Variants in PDE9A observed in about 807,000 individuals in gnomAD.
PDE9A encodes high affinity cGMP-specific 3',5'-cyclic phosphodiesterase 9A.
Under a neutral mutation model 87.4 loss-of-function variants are expected in PDE9A, and 60 were observed. The ratio of observed to expected loss-of-function variants is 0.69; its 90% CI spans 0.56 to 0.85. The LOEUF is 0.85. Among genes scored for constraint, PDE9A ranks in the 40% least tolerant of loss-of-function variants. PDE9A has a pLI of 0.00. For missense variants in PDE9A, 665 were observed against 779.0 expected (o/e 0.85, Z 1.74); for synonymous variants, 272 against 279.4 (o/e 0.97, Z 0.27).
intron 6 of PDE9A, among the ~76,000 whole-genome samples, chr21:42,732,975 G>C (rs1241473650): frequency 6.6e-6 from 1 of 152,210 alleles, no homozygotes; most frequent in Non-Finnish European, 1.5e-5. Flanking sequence ...AGCCTCCAGA[G>C]AGCACAACAG....
At chr21:42,657,828 G>A (rs1028544583) in intron 1 of PDE9A, among the ~76,000 whole-genome samples, 6 of 152,222 alleles carry the variant, frequency 3.9e-5, no homozygotes, top group Admixed American at 1.3e-4. Context: ...CACTGTGCGC[G>A]GCCTCCCTGG....
intron 1 of PDE9A, among the ~76,000 whole-genome samples, chr21:42,656,745 C>T (rs1271398792): frequency 6.6e-6 from 1 of 152,168 alleles, no homozygotes; most frequent in Non-Finnish European, 1.5e-5. Flanking sequence ...GGAAGCTGGG[C>T]GTGTGAAGTG....
chr21:42,743,338 C>T (rs2146895718), intron 7 of PDE9A, among the ~76,000 whole-genome samples: 2 of 152,374 alleles, frequency 1.3e-5, no homozygotes. Context: ...GTAATCCTTG[C>T]TGAAAACGCT....
At chr21:42,712,017 G>A (rs937023514) in intron 4 of PDE9A, among the ~76,000 whole-genome samples, 3 of 151,870 alleles carry the variant, frequency 2.0e-5, no homozygotes, top group Non-Finnish European at 4.4e-5. Context: ...TGTTTTGACT[G>A]TATAGGTTCT....
intron 17 of PDE9A, among the ~76,000 whole-genome samples, 162 bp downstream of exon 17, chr21:42,769,317 A>T (rs561668364): frequency 5.3e-5 from 8 of 150,788 alleles, no homozygotes; most frequent in Admixed American, 2.6e-4. Context: ...GCACATACAC[A>T]TATACACACA....
Position 42,772,517 on chromosome 21 carries a change from G to T in PDE9A, c.1765G>T (p.Glu589Ter), listed in dbSNP as rs762238389. Residue 589 changes from glutamate to a stop codon, truncating the protein, a stop_gained, in exon 19 of 20, where the codon GAA becomes TAA. Transcript: ENST00000291539. LOFTEE classifies it high-confidence loss of function. ...RERSRDVKNS[E>*]GDCA ...GAGAAGCAGAGATGTGAAAAACAGT[G>T]AAGGTAATGCTTGCTCTGCTGAAGT... 7 of 1,597,314 alleles carry T rather than the reference G, an allele frequency of 4.4e-6. No homozygotes were observed. The highest frequency in any genetic ancestry group is 2.2e-5 in the East Asian group (1 of 44,674).
In PDE9A at chr21:42,760,549, C is replaced by T. The variant is rs1463971662; in HGVS notation, c.1002+117C>T. 7.1e-5 allele frequency: 48 copies of T among 675,894 alleles called. No homozygotes were observed. Among genetic ancestry groups the T allele is most frequent in the Middle Eastern group, 2.7e-4 (1 of 3,736 alleles). The allele number at this position is 675,894 out of a possible 1,614,324, so 41.9% of individuals were successfully genotyped here. A position where few individuals can be genotyped will look rare whatever the true frequency, so the allele number is the denominator to read the frequency against. On this transcript the variant is annotated intron_variant, in intron 12 of 19. Transcript: ENST00000291539. This position sits in a 1 kb window ranked among gnomAD's most constrained non-coding sequence, Gnocchi z 5.2. ...GAGCCACAGGCGTGGGGTCCCCAGC[C>T]GCTCCGCCCCTCCTAGGGACGCACC...
At chr21:42,736,562 A>G (rs2052470451) in intron 7 of PDE9A, among the ~76,000 whole-genome samples, 1 of 152,198 alleles carries the variant, frequency 6.6e-6, no homozygotes, top group Non-Finnish European at 1.5e-5. Context: ...TGGCGCTTCT[A>G]TGGGTAAAAC....
chr21:42,771,668 G>A (rs1321221003), intron 18 of PDE9A, among the ~76,000 whole-genome samples: 2 of 152,238 alleles, frequency 1.3e-5, no homozygotes, highest in Non-Finnish European at 2.9e-5. Flanking sequence ...GGCCCACAAT[G>A]CCCTTTTGAG....
At chr21:42,711,610 G>T (rs1056144058) in intron 4 of PDE9A, among the ~76,000 whole-genome samples, 5 of 152,012 alleles carry the variant, frequency 3.3e-5, no homozygotes, top group African/African-American at 1.2e-4. Context: ...CAAGGTCATG[G>T]AGATACATTT....
rs751535152 is a variant in PDE9A, at chr21:42,760,867, G to T, written c.1045G>T (p.Ala349Ser). The change falls in exon 13 of 20, where the codon GCC becomes TCC. Residue 349 changes from alanine to serine, a missense_variant. Ala to Ser is a moderately conservative substitution (Grantham distance 99). Transcript: ENST00000291539. This position sits in a 1 kb window ranked among gnomAD's most constrained non-coding sequence, Gnocchi z 5.2. ...QTDILILMTA[A>S]ICHDLDHPGY... Reference sequence around the variant, plus strand: ...GGATATCCTGATCCTAATGACAGCGGCCATCTGCCACGATCTGGACCATCC... The same window carrying T: ...GGATATCCTGATCCTAATGACAGCGTCCATCTGCCACGATCTGGACCATCC... The T allele has an allele frequency of 6.2e-7, 1 of 1,612,300 alleles. No individual in the cohort carries two copies. The highest frequency in any genetic ancestry group is 1.7e-5 in the Admixed American group (1 of 60,024).
chr21:42,675,783 G>A lies in PDE9A; in HGVS notation c.70-10409G>A, dbSNP rs1601976479. ...ATTATGGCCCAGTCTTACAACCAGG[G>A]TATTGACAGCGAGACAAGCCCCCAT... On this transcript the variant is annotated intron_variant, in intron 1 of 19. Transcript: ENST00000291539. The surrounding 1 kb of genome is among the most constrained non-coding windows in gnomAD (Gnocchi z 4.3). 6.6e-6 allele frequency among the ~76,000 whole-genome samples: 1 copy of A among 152,160 alleles called. No homozygotes were observed. Among genetic ancestry groups the A allele is most frequent in the East Asian group, 1.9e-4 (1 of 5,186 alleles).
rs777669410 is a variant in PDE9A, at chr21:42,692,830, C to T, written c.218+4836C>T. Reference sequence around the variant, plus strand: ...CGGTGCCTGGTGACATGCGGCCATCCTCAGAGATGTGCTTCGGGGCCCGCA... The same window carrying T: ...CGGTGCCTGGTGACATGCGGCCATCTTCAGAGATGTGCTTCGGGGCCCGCA... On this transcript the variant is annotated intron_variant, in intron 3 of 19. Transcript: ENST00000291539. The surrounding 1 kb of genome is among the most constrained non-coding windows in gnomAD (Gnocchi z 4.3). Among the ~76,000 whole-genome samples, 1 of 152,184 alleles carries T rather than the reference C, an allele frequency of 6.6e-6. No homozygotes were observed. The highest frequency in any genetic ancestry group is 1.5e-5 in the Non-Finnish European group (1 of 68,016).
intron 4 of PDE9A, among the ~76,000 whole-genome samples, chr21:42,720,799 A>G (rs866766647): frequency 2.1e-4 from 32 of 152,176 alleles, no homozygotes; most frequent in Admixed American, 1.6e-3. Flanking sequence ...TGAGGTCGGG[A>G]GTTCGAGACC....
At chr21:42,670,689 G>A (rs1601946114) in intron 1 of PDE9A, among the ~76,000 whole-genome samples, 1 of 146,954 alleles carries the variant, frequency 6.8e-6, no homozygotes, top group East Asian at 2.0e-4. Context: ...TCACACACAT[G>A]CTCACACACT....
chr21:42,681,937 G>T (rs569533830), intron 1 of PDE9A, among the ~76,000 whole-genome samples: 41 of 152,368 alleles, frequency 2.7e-4, no homozygotes, highest in Admixed American at 1.4e-3. Context: ...CAGCCTAGGG[G>T]TCCTCCCGTG....
At chr21:42,733,817 C>T (rs1425941940) in intron 7 of PDE9A, 3 of 191,232 alleles carry the variant, frequency 1.6e-5, no homozygotes, top group African/African-American at 7.0e-5. Flanking sequence ...AATATGTCTA[C>T]TAAGTTGTTA....
chr21:42,674,413 C>CTTGGGGAG (rs958482545), intron 1 of PDE9A, among the ~76,000 whole-genome samples: 10 of 151,290 alleles, frequency 6.6e-5, no homozygotes, highest in Non-Finnish European at 1.5e-4. Flanking sequence ...AGTCCTGGCC[C>CTTGGGGAG]TTGGGGAGTG....
In PDE9A at chr21:42,705,625, C is replaced by T. The variant is rs2048763255; in HGVS notation, c.262+6614C>T. On this transcript the variant is annotated intron_variant, in intron 4 of 19. Coordinates refer to ENST00000291539, the MANE Select transcript of PDE9A (RefSeq NM_002606.3). The surrounding 1 kb of genome is among the most constrained non-coding windows in gnomAD (Gnocchi z 4.3). Reference sequence around the variant, plus strand: ...CCAGAGCGTTAGGGAAAGCGTGCTGCAGTCACACGCCAGGACGGCCCCCCA... The same window carrying T: ...CCAGAGCGTTAGGGAAAGCGTGCTGTAGTCACACGCCAGGACGGCCCCCCA... 6.6e-6 allele frequency among the ~76,000 whole-genome samples: 1 copy of T among 152,166 alleles called. No individual in the cohort carries two copies. Among genetic ancestry groups the T allele is most frequent in the East Asian group, 1.9e-4 (1 of 5,180 alleles).
Sources: allele counts gnomAD v4.1 joint callset (sites outside exome capture counted in the v4.1 genomes callset), GRCh38; gene constraint gnomAD v4.1.1; non-coding constraint Gnocchi (gnomAD v3.1); transcripts MANE v1.5; gene names NCBI Gene and HGNC (gene_info 2026-07-23, HGNC 2026-07-21).